The following ZCCHC4 variants were observed in gnomAD, a reference collection of about 807,000 sequenced individuals.
The protein encoded by ZCCHC4 is zinc finger CCHC-type containing 4.
In ZCCHC4, 54 loss-of-function variants were observed where a neutral mutation model predicts 67.7. The observed-to-expected ratio is 0.80, with a 90% confidence interval of 0.64 to 1.00. The LOEUF (loss-of-function observed/expected upper bound fraction) is 1.00, where lower values mean the gene tolerates loss of function less well. Among genes scored for constraint, ZCCHC4 ranks in the 50% least tolerant of loss-of-function variants. The probability of loss-of-function intolerance (pLI) is 0.00; values close to 1 mark genes in which losing one functional copy is unlikely to be tolerated. For missense variants in ZCCHC4, 609 were observed against 617.0 expected, an observed-to-expected ratio of 0.99 and a Z score of 0.14; for synonymous variants, 198 against 213.5, an observed-to-expected ratio of 0.93 and a Z score of 0.63.
intron 5 of ZCCHC4, among the ~76,000 whole-genome samples, chr4:25,339,470 A>G (rs1719622970): frequency 6.6e-6 from 1 of 152,176 alleles, no homozygotes; most frequent in South Asian, 2.1e-4. Flanking sequence ...GTCTTTTTGA[A>G]GTGGTATCTC....
chr4:25,312,837 G>C lies in ZCCHC4; in HGVS notation c.28G>C (p.Ala10Pro). 4.3e-6 allele frequency: 7 copies of C among 1,613,344 alleles called. No homozygotes were observed. The highest frequency in any genetic ancestry group is 1.1e-5 in the South Asian group (1 of 91,038). The change falls in exon 1 of 13, where the codon GCC becomes CCC. Residue 10 changes from alanine to proline, a missense_variant. Transcript: ENST00000302874. MAASRNGFE[A>P]VEAEGSAGCR... ...GGCGGCCTCCAGGAATGGGTTTGAA[G>C]CCGTGGAGGCAGAGGGCAGCGCAGG... is the stretch of plus-strand genomic sequence containing the variant.
intron 5 of ZCCHC4, among the ~76,000 whole-genome samples, chr4:25,339,995 A>C (rs1456756989): frequency 2.0e-5 from 3 of 151,756 alleles, no homozygotes; most frequent in African/African-American, 7.3e-5. Context: ...CAGCCTCCCG[A>C]GTAGCTGGAA....
chr4:25,357,711 A>G (rs1371716639), intron 8 of ZCCHC4, among the ~76,000 whole-genome samples: 1 of 152,148 alleles, frequency 6.6e-6, no homozygotes, highest in Non-Finnish European at 1.5e-5. Context: ...ATTCTTGTTT[A>G]TTATAGAAAC....
intron 7 of ZCCHC4, among the ~76,000 whole-genome samples, chr4:25,350,726 C>T (rs1720264605): frequency 1.3e-5 from 2 of 152,116 alleles, no homozygotes; most frequent in South Asian, 4.1e-4. Flanking sequence ...TAAAACGTGA[C>T]TCATATTGTT....
Position 25,351,694 on chromosome 4 carries a change from A to T in ZCCHC4, c.1011+5A>T. 1 of 1,600,120 alleles carries T rather than the reference A, an allele frequency of 6.2e-7. No homozygotes were observed. Among genetic ancestry groups the T allele is most frequent in the East Asian group, 2.2e-5 (1 of 44,716 alleles). On this transcript the variant is annotated splice_donor_5th_base_variant and intron_variant, in intron 8 of 12. Transcript: ENST00000302874. ...TTCCAGATGCTGGATTACCAGGTAG[A>T]GTACATATTCTGTTTTCTGGCATGG...
chr4:25,343,668 G>A (rs1237846618), intron 5 of ZCCHC4, among the ~76,000 whole-genome samples: 9 of 152,214 alleles, frequency 5.9e-5, no homozygotes, highest in Non-Finnish European at 1.3e-4. Context: ...GTAAGCGAGA[G>A]ACACATAGTT....
At chr4:25,352,031 C>T in intron 8 of ZCCHC4, 2 of 1,008,802 alleles carry the variant, frequency 2.0e-6, no homozygotes, top group Non-Finnish European at 2.4e-6. Context: ...GCAGCCCCCC[C>T]ACCCCTGGTT....
rs1040361457 is a variant in ZCCHC4, at chr4:25,325,071, G to A, written c.330-8112G>A. Among the ~76,000 whole-genome samples the A allele has an allele frequency of 6.0e-5, 9 of 149,562 alleles. No homozygotes were observed. In the South Asian group the frequency reaches 1.3e-3, roughly 21 times the overall value. The stretch of plus-strand genomic sequence containing the variant: ...ATCCTGGCTAACACAGTGAAACCCC[G>A]TCTCTACTAAAAATACAAAAAATTA... On this transcript the variant is annotated intron_variant, in intron 3 of 12. Transcript: ENST00000302874.
chr4:25,329,178 C>T (rs1246884196), intron 3 of ZCCHC4, among the ~76,000 whole-genome samples: 1 of 152,038 alleles, frequency 6.6e-6, no homozygotes, highest in Non-Finnish European at 1.5e-5. Context: ...CAGAATGAGA[C>T]TCTGTCTCAA....
At chr4:25,326,312 T>C (rs565762409) in intron 3 of ZCCHC4, among the ~76,000 whole-genome samples, 3 of 152,364 alleles carry the variant, frequency 2.0e-5, no homozygotes, top group South Asian at 4.1e-4. Flanking sequence ...ATAAGAACCC[T>C]TGTAATTATG....
chr4:25,361,373 C>T (rs527359225), intron 8 of ZCCHC4, among the ~76,000 whole-genome samples: 20 of 152,318 alleles, frequency 1.3e-4, no homozygotes, highest in South Asian at 4.1e-4. Context: ...GAGATGGCTG[C>T]GCTTTAGTCA....
rs765337808 is a variant in ZCCHC4 at position 25,333,142 on chromosome 4, A to G, written c.330-41A>G. On this transcript the variant is annotated intron_variant, in intron 3 of 12. Transcript: ENST00000302874. ...AAAACACATTGTGTTTACAACAATA[A>G]ACTTAAAATATATTTCTTTGTGTTT... 4 of 1,579,402 alleles carry G rather than the reference A, an allele frequency of 2.5e-6. No individual in the cohort carries two copies. The South Asian group carries it at 3.5e-5, about 14-fold the overall frequency.
rs573413940 is a variant in ZCCHC4 at position 25,313,799 on chromosome 4, G to A, written c.128-247G>A. ...GAGAATCGCTTGAGGCTAGGAAGCAGGATCTCAGTGAGCCATGATTGTGCC... is the reference window on the plus strand; with the variant it reads ...GAGAATCGCTTGAGGCTAGGAAGCAAGATCTCAGTGAGCCATGATTGTGCC... On this transcript the variant is annotated intron_variant, in intron 1 of 12. Transcript: ENST00000302874. Among the ~76,000 whole-genome samples, 155 of 152,302 alleles carry A rather than the reference G, an allele frequency of 1.0e-3. 1 individual carries two copies. The highest frequency in any genetic ancestry group is 3.6e-3 in the African/African-American group (150 of 41,572).
At chr4:25,344,146 G>C (rs951956967) in intron 5 of ZCCHC4, among the ~76,000 whole-genome samples, 5 of 152,072 alleles carry the variant, frequency 3.3e-5, no homozygotes, top group African/African-American at 4.8e-5. Context: ...GTCAAATGCA[G>C]ATTTAAGTCA....
intron 3 of ZCCHC4, among the ~76,000 whole-genome samples, chr4:25,331,999 T>C (rs1719204909): frequency 1.3e-5 from 2 of 152,210 alleles, no homozygotes; most frequent in Admixed American, 6.5e-5. Flanking sequence ...AGTTCCTGAA[T>C]TTAGTTCCAT....
chr4:25,348,496 A>T (rs770335343), intron 6 of ZCCHC4, among the ~76,000 whole-genome samples: 1 of 152,190 alleles, frequency 6.6e-6, no homozygotes, highest in Non-Finnish European at 1.5e-5. Context: ...ATTTAGGAAA[A>T]AAAGGATGGT....
intron 3 of ZCCHC4, among the ~76,000 whole-genome samples, chr4:25,319,018 G>C (rs2109048969): frequency 6.6e-6 from 1 of 152,206 alleles, no homozygotes; most frequent in South Asian, 2.1e-4. Context: ...CTAGTAATGG[G>C]GTTGAGATAT....
intron 3 of ZCCHC4, among the ~76,000 whole-genome samples, chr4:25,327,004 C>T (rs1718915542): frequency 6.6e-6 from 1 of 152,148 alleles, no homozygotes; most frequent in African/African-American, 2.4e-5. Context: ...TATTGCTAGA[C>T]TCTAACAATA....
chr4:25,316,237 C>T (rs2109045749), intron 3 of ZCCHC4, among the ~76,000 whole-genome samples: 1 of 152,288 alleles, frequency 6.6e-6, no homozygotes. Context: ...TTGATGGACA[C>T]TTGGGCTGTG....
Sources: allele counts gnomAD v4.1 joint callset (sites outside exome capture counted in the v4.1 genomes callset), GRCh38; gene constraint gnomAD v4.1.1; transcripts MANE v1.5; gene names NCBI Gene and HGNC (gene_info 2026-07-23, HGNC 2026-07-21).